Variants in SCN2A observed in about 807,000 individuals in gnomAD.
SCN2A encodes the protein sodium channel protein type 2 subunit alpha.
In SCN2A, 20 loss-of-function variants were observed where a neutral mutation model predicts 188.7. The ratio of observed to expected loss-of-function variants is 0.11; its 90% CI spans 0.07 to 0.15. SCN2A has a LOEUF of 0.15. Ranked by LOEUF, SCN2A falls within the 10% of genes least tolerant of loss-of-function variation. SCN2A has a pLI of 1.00. For missense variants in SCN2A, 1,278 were observed against 2,445.0 expected (o/e 0.52, Z 10.07); for synonymous variants, 804 against 833.1 (o/e 0.97, Z 0.60).
intron 3 of SCN2A, 118 bp from the exon 4 acceptor site, chr2:165,307,730 A>C: frequency 1.3e-6 from 1 of 774,640 alleles, no homozygotes. Flanking sequence ...ATAATAGAAT[A>C]ATAAGCAACA....
chr2:165,333,732 T>G (rs10203424), intron 14 of SCN2A, among the ~76,000 whole-genome samples: 108,382 of 151,342 alleles, frequency 0.72, 39,009 homozygotes, highest in Admixed American at 0.76. Flanking sequence ...TCCTTTTTAA[T>G]AAACTAGATA....
intron 1 of SCN2A, chr2:165,270,137 A>G (rs1404449625): frequency 6.6e-6 from 1 of 151,946 alleles, no homozygotes; most frequent in Non-Finnish European, 1.5e-5. Flanking sequence ...TCTTGACCCC[A>G]TCCTAGCCTT....
intron 1 of SCN2A, among the ~76,000 whole-genome samples, chr2:165,256,910 C>A (rs1694352098): frequency 6.6e-6 from 1 of 152,062 alleles, no homozygotes; most frequent in South Asian, 2.1e-4. Flanking sequence ...ATCTAAAAGT[C>A]TTTTAGGCTG....
chr2:165,324,026 A>G (rs938198587), intron 12 of SCN2A, among the ~76,000 whole-genome samples: 4 of 152,198 alleles, frequency 2.6e-5, no homozygotes, highest in African/African-American at 9.7e-5. Flanking sequence ...TTGTAAATTT[A>G]TACATGAAGA....
chr2:165,259,168 C>T (rs1265408108), intron 1 of SCN2A, among the ~76,000 whole-genome samples: 1 of 152,090 alleles, frequency 6.6e-6, no homozygotes, highest in East Asian at 1.9e-4. Flanking sequence ...AATGTACATA[C>T]CTTAATTTAA....
chr2:165,323,246 G>C lies in SCN2A; in HGVS notation c.1762G>C (p.Gly588Arg). The C allele has an allele frequency of 6.2e-7, 1 of 1,614,192 alleles. No homozygotes were observed. Among genetic ancestry groups the C allele is most frequent in the Non-Finnish European group, 8.5e-7 (1 of 1,180,042 alleles). ...FSFRGRAKDIGSENDFADDEH... is the reference protein window; with the variant it reads ...FSFRGRAKDIRSENDFADDEH... ...CTTCAGAGGTCGAGCAAAGGACATTGGCTCTGAGAATGACTTTGCTGATGA... is the reference window on the plus strand; with the variant it reads ...CTTCAGAGGTCGAGCAAAGGACATTCGCTCTGAGAATGACTTTGCTGATGA... The change falls in exon 12 of 27, where the codon GGC becomes CGC. Residue 588 changes from glycine (G) to arginine (R), a missense_variant. By Grantham distance (125) the Gly-to-Arg change is moderately radical (BLOSUM62 -2). This residue lies in a region of SCN2A where 315 missense variants were observed against 386.6 expected (regional missense o/e 0.81). Coordinates refer to ENST00000375437, the MANE Select transcript of SCN2A (RefSeq NM_001040142.2).
At chr2:165,323,101 T>C in intron 11 of SCN2A, 55 bp from the exon 12 acceptor site, 1 of 1,503,182 alleles carries the variant, frequency 6.7e-7, no homozygotes, top group Non-Finnish European at 9.2e-7. Context: ...TTTTTCAGAA[T>C]GCCAGCTCTT....
chr2:165,309,117 AG>A, intron 5 of SCN2A: 3 of 1,590,348 alleles, frequency 1.9e-6, no homozygotes, highest in African/African-American at 1.3e-5. Flanking sequence ...AGACCAAGGA[AG>A]ACGTAGATTT....
chr2:165,280,056 AG>A (rs1307662278), intron 1 of SCN2A, among the ~76,000 whole-genome samples: 1 of 152,158 alleles, frequency 6.6e-6, no homozygotes, highest in Non-Finnish European at 1.5e-5. Context: ...TGGAACTGTA[AG>A]TCCACTAAAC....
chr2:165,303,275 T>TTTTTTTG (rs1696924923), intron 3 of SCN2A, among the ~76,000 whole-genome samples: 1 of 89,206 alleles, frequency 1.1e-5, no homozygotes, highest in Admixed American at 1.1e-4. Flanking sequence ...TTTGAGTTTT[T>TTTTTTTG]TTTTTTTTTT....
chr2:165,385,281 A>T (rs915768513), intron 25 of SCN2A, among the ~76,000 whole-genome samples: 3 of 152,178 alleles, frequency 2.0e-5, no homozygotes, highest in Non-Finnish European at 2.9e-5. Flanking sequence ...CTAGTTGAGA[A>T]GGTAGAGAAA....
rs1281742832 is a variant in SCN2A at position 165,390,599 on chromosome 2, C to CATGTATAT, written c.*792_*799dup. 6.6e-6 allele frequency: 1 copy of CATGTATAT among 152,518 alleles called. No homozygotes were observed. Among genetic ancestry groups the CATGTATAT allele is most frequent in the African/African-American group, 2.4e-5 (1 of 41,360 alleles). 9.4% of individuals were successfully genotyped at this position (152,518 alleles called of 1,614,324 possible). A position where few individuals can be genotyped will look rare whatever the true frequency, so the allele number is the denominator to read the frequency against. ...ATTTTTACATAACCCATTAAATGTA[C>CATGTATAT]ATGTATATATGTATATATGTATATG... is the stretch of plus-strand genomic sequence containing the variant. On this transcript the variant is annotated 3_prime_UTR_variant, in exon 27 of 27. Transcript: ENST00000375437.
chr2:165,294,878 A>G (rs1016089521), intron 1 of SCN2A, among the ~76,000 whole-genome samples: 2 of 152,194 alleles, frequency 1.3e-5, no homozygotes, highest in South Asian at 2.1e-4. Flanking sequence ...AAACTATCGT[A>G]AACTTATTAT....
At chr2:165,288,693 G>A (rs1695965110) in intron 1 of SCN2A, among the ~76,000 whole-genome samples, 2 of 151,762 alleles carry the variant, frequency 1.3e-5, no homozygotes, top group Admixed American at 6.6e-5. Flanking sequence ...ACAGAAATGG[G>A]CTAGTGGATT....
At chr2:165,347,680 T>C (rs1348600503) in intron 16 of SCN2A, among the ~76,000 whole-genome samples, 1 of 152,164 alleles carries the variant, frequency 6.6e-6, no homozygotes, top group Non-Finnish European at 1.5e-5. Context: ...AAGATAAATA[T>C]AACAAAGTGA....
chr2:165,284,159 T>G (rs1451685312), intron 1 of SCN2A, among the ~76,000 whole-genome samples: 1 of 151,972 alleles, frequency 6.6e-6, no homozygotes, highest in African/African-American at 2.4e-5. Flanking sequence ...TGTTTTATTA[T>G]TATTTAATTT....
chr2:165,240,497 TTGA>T (rs1417395601), intron 1 of SCN2A, among the ~76,000 whole-genome samples: 1 of 152,202 alleles, frequency 6.6e-6, no homozygotes, highest in Non-Finnish European at 1.5e-5. Flanking sequence ...AAATCCTTGC[TTGA>T]TTATTATTAG....
chr2:165,387,054 T>A, intron 26 of SCN2A, 38 bp downstream of exon 26: 1 of 1,593,820 alleles, frequency 6.3e-7, no homozygotes, highest in Non-Finnish European at 8.6e-7. Context: ...AGGAATATAG[T>A]GGTAAAAATA....
chr2:165,299,272 G>A (rs955666074), intron 3 of SCN2A, among the ~76,000 whole-genome samples: 2 of 152,170 alleles, frequency 1.3e-5, no homozygotes, highest in Non-Finnish European at 2.9e-5. Flanking sequence ...GATACAACTT[G>A]AATCTGTGGG....
Sources: gnomAD v4.1 joint callset for allele counts (sites outside exome capture counted in the v4.1 genomes callset) on GRCh38, gnomAD v4.1.1 for gene constraint, gnomAD v4.1.1 regional missense constraint, MANE v1.5 for transcripts, NCBI Gene and HGNC (gene_info 2026-07-23, HGNC 2026-07-21) for gene names.